CPNE8: variants seen among roughly 807,000 people sequenced by gnomAD.
CPNE8 encodes copine 8.
A neutral mutation model predicts 81.5 loss-of-function variants in CPNE8; 45 were observed. That is an observed-to-expected ratio of 0.55 (90% CI 0.44 to 0.71). The LOEUF (loss-of-function observed/expected upper bound fraction) is 0.71. Ranked by LOEUF, CPNE8 falls within the 30% of genes least tolerant of loss-of-function variation. CPNE8 has a pLI of 0.00. For missense variants in CPNE8, 594 were observed against 672.1 expected, an observed-to-expected ratio of 0.88 and a Z score of 1.28; for synonymous variants, 252 against 226.3, an observed-to-expected ratio of 1.11 and a Z score of -1.02.
intron 19 of CPNE8, among the ~76,000 whole-genome samples, chr12:38,658,081 T>C (rs1938863537): frequency 2.0e-5 from 3 of 152,054 alleles, no homozygotes; most frequent in Admixed American, 2.0e-4. Flanking sequence ...CTTCAGAAGG[T>C]CGGTAATAAT....
intron 14 of CPNE8, among the ~76,000 whole-genome samples, chr12:38,694,584 T>C (rs1225051787): frequency 1.3e-5 from 2 of 152,230 alleles, no homozygotes; most frequent in Admixed American, 1.3e-4. Context: ...TCCACAAGGT[T>C]CTGAATTTCA....
intron 19 of CPNE8, among the ~76,000 whole-genome samples, chr12:38,658,643 CAGAG>C (rs1938881551): frequency 6.6e-6 from 1 of 152,124 alleles, no homozygotes. Context: ...TAAGGGCAGC[CAGAG>C]AGAAAGGTCG....
chr12:38,654,077 C>G lies in CPNE8; in HGVS notation c.1507-7G>C. ...AATCCCTGAATGGCACAAACTAAAACAGAGACGAAAGAAAGTTATTTCACA... is the reference window on the plus strand; with the variant it reads ...AATCCCTGAATGGCACAAACTAAAAGAGAGACGAAAGAAAGTTATTTCACA... On this transcript the variant is annotated splice_polypyrimidine_tract_variant and splice_region_variant and intron_variant, in intron 19 of 19. Coordinates refer to ENST00000331366, the MANE Select transcript of CPNE8 (RefSeq NM_153634.3). 5 of 1,578,836 alleles carry G rather than the reference C, an allele frequency of 3.2e-6. No individual in the cohort carries two copies. Among genetic ancestry groups the G allele is most frequent in the Non-Finnish European group, 3.4e-6 (4 of 1,162,554 alleles).
At chr12:38,853,989 C>T (rs568613788) in intron 3 of CPNE8, among the ~76,000 whole-genome samples, 1 of 152,170 alleles carries the variant, frequency 6.6e-6, no homozygotes, top group South Asian at 2.1e-4. Flanking sequence ...ATCTGAACAA[C>T]TGCACATCTT....
chr12:38,840,127 T>C (rs1943444721), intron 4 of CPNE8, among the ~76,000 whole-genome samples, 172 bp from the exon 5 acceptor site: 1 of 152,152 alleles, frequency 6.6e-6, no homozygotes, highest in African/African-American at 2.4e-5. Context: ...TACATGCCAG[T>C]GGTAGAATTC....
At chr12:38,721,649 C>A (rs1260434850) in intron 13 of CPNE8, among the ~76,000 whole-genome samples, 1 of 152,212 alleles carries the variant, frequency 6.6e-6, no homozygotes, top group Non-Finnish European at 1.5e-5. Flanking sequence ...TGAAACCTGC[C>A]CATTGCTCAC....
At chr12:38,689,588 C>G (rs1055022312) in intron 15 of CPNE8, among the ~76,000 whole-genome samples, 2 of 152,078 alleles carry the variant, frequency 1.3e-5, no homozygotes, top group African/African-American at 4.8e-5. Flanking sequence ...GTTAAAGACT[C>G]TTAGTTATTA....
chr12:38,723,689 G>A, intron 13 of CPNE8, 83 bp downstream of exon 13: 2 of 819,910 alleles, frequency 2.4e-6, no homozygotes, highest in South Asian at 2.9e-5. Context: ...GATCATTTCA[G>A]TGCCAGGTAC....
chr12:38,751,632 G>A (rs1941354687), intron 10 of CPNE8, among the ~76,000 whole-genome samples: 1 of 152,148 alleles, frequency 6.6e-6, no homozygotes, highest in South Asian at 2.1e-4. Context: ...AGTACTTTCA[G>A]ATAACTTGAG....
At chr12:38,784,341 A>T (rs192667887) in intron 6 of CPNE8, among the ~76,000 whole-genome samples, 69 of 152,290 alleles carry the variant, frequency 4.5e-4, no homozygotes, top group African/African-American at 1.2e-3. Flanking sequence ...AAAAAGAATG[A>T]AAAACAAAAA....
intron 1 of CPNE8, among the ~76,000 whole-genome samples, chr12:38,902,353 AAAG>A (rs1411859141): frequency 8.7e-4 from 72 of 82,530 alleles, no homozygotes; most frequent in East Asian, 2.7e-3. Context: ...AGAAAGAAAG[AAAG>A]AAAGAAAGAA....
chr12:38,883,786 A>C (rs1487801055), intron 1 of CPNE8, among the ~76,000 whole-genome samples: 1 of 152,222 alleles, frequency 6.6e-6, no homozygotes, highest in African/African-American at 2.4e-5. Flanking sequence ...CAGTTTAATC[A>C]ACTTCCAGCT....
At chr12:38,786,433 G>C (rs1214107756) in intron 6 of CPNE8, among the ~76,000 whole-genome samples, 1 of 152,112 alleles carries the variant, frequency 6.6e-6, no homozygotes, top group African/African-American at 2.4e-5. Flanking sequence ...TGTAAAGAGA[G>C]ACCGGCCTAA....
chr12:38,658,163 A>G (rs10875954), intron 19 of CPNE8, among the ~76,000 whole-genome samples: 49,995 of 151,966 alleles, frequency 0.33, 10,006 homozygotes, highest in Non-Finnish European at 0.45. Context: ...AAAAGGTTAG[A>G]CGAATGACTA....
intron 16 of CPNE8, among the ~76,000 whole-genome samples, chr12:38,678,302 A>T (rs1417196444): frequency 6.6e-6 from 1 of 152,016 alleles, no homozygotes; most frequent in Non-Finnish European, 1.5e-5. Context: ...AATAATACTC[A>T]GTAATTTAGA....
At chr12:38,756,309 T>C (rs1445228611) in intron 10 of CPNE8, among the ~76,000 whole-genome samples, 3 of 151,258 alleles carry the variant, frequency 2.0e-5, no homozygotes, top group Non-Finnish European at 4.4e-5. Flanking sequence ...ATACTCTAGC[T>C]AGTAAAACAA....
intron 15 of CPNE8, among the ~76,000 whole-genome samples, chr12:38,689,543 C>T (rs1565568526): frequency 6.6e-6 from 1 of 152,202 alleles, no homozygotes; most frequent in Non-Finnish European, 1.5e-5. Context: ...AATGAACAAA[C>T]ACCTATTGAG....
At chr12:38,905,774 C>T (rs926150804), upstream of CPNE8, 3 of 1,393,556 alleles carry the variant, frequency 2.2e-6, no homozygotes, top group African/African-American at 2.9e-5. Flanking sequence ...GCGGGGATCC[C>T]GGTTTCCCAG....
intron 6 of CPNE8, among the ~76,000 whole-genome samples, chr12:38,826,095 C>A (rs746641163): frequency 6.6e-6 from 1 of 152,144 alleles, no homozygotes; most frequent in Non-Finnish European, 1.5e-5. Flanking sequence ...TCAAGCTTTA[C>A]ATTTTCTTAC....
Sources: allele counts gnomAD v4.1 joint callset (sites outside exome capture counted in the v4.1 genomes callset), GRCh38; gene constraint gnomAD v4.1.1; transcripts MANE v1.5; gene names NCBI Gene and HGNC (gene_info 2026-07-23, HGNC 2026-07-21).